The following ZMYM2 variants were observed in gnomAD, a reference collection of about 807,000 sequenced individuals.
ZMYM2 encodes zinc finger MYM-type protein 2.
ZMYM2 carries 56 observed loss-of-function variants against 162.8 expected under a neutral mutation model. The observed-to-expected ratio is 0.34, with a 90% CI of 0.28 to 0.43. The LOEUF (loss-of-function observed/expected upper bound fraction) is 0.43. ZMYM2 is among the 20% of genes least tolerant of loss of function. ZMYM2 has a pLI of 1.00. For missense variants in ZMYM2, 1,275 were observed against 1,621.8 expected, an observed-to-expected ratio of 0.79 and a Z score of 3.67; for synonymous variants, 510 against 541.6, an observed-to-expected ratio of 0.94 and a Z score of 0.81.
chr13:19,910,316 G>A, the ZMYM2 span, among the ~76,000 whole-genome samples: 1 of 152,144 alleles, frequency 6.6e-6, no homozygotes, highest in African/African-American at 2.4e-5. Flanking sequence ...TTGGGAATTA[G>A]AAAGGGTTCT....
At chr13:20,080,504 C>A (rs1453178355) in intron 21 of ZMYM2, among the ~76,000 whole-genome samples, 1 of 145,176 alleles carries the variant, frequency 6.9e-6, no homozygotes, top group Non-Finnish European at 1.5e-5. Flanking sequence ...TTTTTTTTTT[C>A]CTTGAGACTG....
intron 16 of ZMYM2, among the ~76,000 whole-genome samples, chr13:20,059,768 T>G (rs1956094675): frequency 6.6e-6 from 1 of 151,888 alleles, no homozygotes; most frequent in Admixed American, 6.6e-5. Flanking sequence ...GAAAATACAG[T>G]ATTCTGCCTG....
chr13:20,050,462 T>C (rs1593118276), intron 12 of ZMYM2, among the ~76,000 whole-genome samples: 3 of 152,038 alleles, frequency 2.0e-5, no homozygotes, highest in South Asian at 4.1e-4. Context: ...TTAACAGTTA[T>C]TACTTTATCA....
At chr13:20,026,485 G>T in intron 7 of ZMYM2, 127 bp from the exon 8 acceptor site, 1 of 856,492 alleles carries the variant, frequency 1.2e-6, no homozygotes. Context: ...GAAGACTCAT[G>T]ACTCTAAACC....
At chr13:19,912,386 G>A in the ZMYM2 span, among the ~76,000 whole-genome samples, 6 of 147,834 alleles carry the variant, frequency 4.1e-5, no homozygotes, top group South Asian at 1.3e-3. Context: ...AGGCTGGAGT[G>A]CAGTGGCCCA....
In ZMYM2 at chr13:20,001,061, T is replaced by C. The variant is rs149997164; in HGVS notation, c.848-1789T>C. On this transcript the variant is annotated intron_variant, in intron 3 of 24. Coordinates refer to ENST00000610343, the MANE Select transcript of ZMYM2 (RefSeq NM_197968.4). ...CTTTAGTGGAGGAAGTAATTGTAGATGTGGTGGAAATAGCATGAGAACTAG... is the reference window on the plus strand; with the variant it reads ...CTTTAGTGGAGGAAGTAATTGTAGACGTGGTGGAAATAGCATGAGAACTAG... Among the ~76,000 whole-genome samples, 1,282 of 152,220 alleles carry C rather than the reference T, an allele frequency of 8.4e-3. 14 individuals carry two copies. The highest frequency in any genetic ancestry group is 0.029 in the African/African-American group (1,218 of 41,524).
intron 7 of ZMYM2, 139 bp downstream of exon 7, chr13:20,019,757 A>C: frequency 1.4e-6 from 1 of 731,358 alleles, no homozygotes; most frequent in Non-Finnish European, 2.3e-6. Context: ...CAAATGATGA[A>C]TGTTTTATCT....
At chr13:19,911,609 G>A in the ZMYM2 span, among the ~76,000 whole-genome samples, 2 of 152,182 alleles carry the variant, frequency 1.3e-5, no homozygotes, top group African/African-American at 4.8e-5. Flanking sequence ...AAAGGTCACT[G>A]TGGCCTGCCA....
chr13:20,024,051 C>T (rs1419935731), intron 7 of ZMYM2, among the ~76,000 whole-genome samples: 1 of 151,906 alleles, frequency 6.6e-6, no homozygotes, highest in Admixed American at 6.6e-5. Flanking sequence ...TCTTGTGCCT[C>T]AGCCTCTTGA....
At chr13:19,947,642 A>C in the ZMYM2 span, among the ~76,000 whole-genome samples, 1 of 146,956 alleles carries the variant, frequency 6.8e-6, no homozygotes, top group African/African-American at 2.5e-5. Context: ...TATTTTTAGT[A>C]GAGACGGGGT....
At chr13:19,903,059 G>A in the ZMYM2 span, among the ~76,000 whole-genome samples, 70 of 152,180 alleles carry the variant, frequency 4.6e-4, no homozygotes, top group African/African-American at 1.7e-3. Flanking sequence ...GGGAGGCCGA[G>A]GCAGGATAAT....
At chr13:19,910,187 A>G in the ZMYM2 span, among the ~76,000 whole-genome samples, 3 of 152,054 alleles carry the variant, frequency 2.0e-5, no homozygotes, top group East Asian at 5.8e-4. Flanking sequence ...AGATTGCGCC[A>G]CTGCACTCCA....
chr13:19,989,422 G>C (rs1594208617), intron 2 of ZMYM2, among the ~76,000 whole-genome samples: 1 of 152,186 alleles, frequency 6.6e-6, no homozygotes, highest in East Asian at 1.9e-4. Context: ...TCGTGCCTCA[G>C]CCTCCTGAGT....
intron 23 of ZMYM2, 99 bp downstream of exon 23, chr13:20,083,131 C>CG: frequency 7.9e-7 from 1 of 1,262,942 alleles, no homozygotes; most frequent in Non-Finnish European, 1.1e-6. Flanking sequence ...GGTGCAGTCT[C>CG]GGCTCACCGC....
intron 2 of ZMYM2, among the ~76,000 whole-genome samples, chr13:19,976,583 G>T (rs1470209225): frequency 6.6e-6 from 1 of 151,936 alleles, no homozygotes; most frequent in Non-Finnish European, 1.5e-5. Context: ...TCTTCCTCCG[G>T]CCCCTGGTAA....
At chr13:19,884,747 T>C in the ZMYM2 span, among the ~76,000 whole-genome samples, 5 of 151,970 alleles carry the variant, frequency 3.3e-5, no homozygotes, top group Admixed American at 2.6e-4. Context: ...TCGCGATAAA[T>C]GTTACAGCTC....
chr13:20,009,953 A>G (rs1255059493), intron 6 of ZMYM2, among the ~76,000 whole-genome samples: 1 of 152,116 alleles, frequency 6.6e-6, no homozygotes, highest in Non-Finnish European at 1.5e-5. Context: ...TCATAGGGTA[A>G]TTCTGTGTTT....
At chr13:19,969,124 A>T (rs559015090) in intron 2 of ZMYM2, among the ~76,000 whole-genome samples, 1 of 152,316 alleles carries the variant, frequency 6.6e-6, no homozygotes, top group South Asian at 2.1e-4. Context: ...TTTAAAATGT[A>T]TTCTTATGAT....
intron 6 of ZMYM2, among the ~76,000 whole-genome samples, chr13:20,014,718 G>A (rs898565625): frequency 7.2e-6 from 1 of 139,050 alleles, no homozygotes; most frequent in Non-Finnish European, 1.5e-5. Flanking sequence ...TAGTGATCTC[G>A]TCTTTTTCCT....
Sources: gnomAD v4.1 joint callset for allele counts (sites outside exome capture counted in the v4.1 genomes callset) on GRCh38, gnomAD v4.1.1 for gene constraint, MANE v1.5 for transcripts, NCBI Gene and HGNC (gene_info 2026-07-23, HGNC 2026-07-21) for gene names.